The following TNNI3K variants were observed in gnomAD, a reference collection of about 807,000 sequenced individuals.
TNNI3K encodes TNNI3 interacting kinase, also known as serine/threonine-protein kinase TNNI3K.
In TNNI3K, 140 loss-of-function variants were observed where a neutral mutation model predicts 114.5. That is an observed-to-expected ratio of 1.22 (90% CI 1.07 to 1.41). The LOEUF (loss-of-function observed/expected upper bound fraction) is 1.41. Among genes scored for constraint, TNNI3K ranks in the 40% most tolerant of loss-of-function variants. The probability of loss-of-function intolerance (pLI) is 0.00; values close to 1 mark genes in which losing one functional copy is unlikely to be tolerated. For synonymous variants in TNNI3K, 347 were observed against 347.5 expected (o/e 1.00, Z 0.02); for missense variants, 1,125 against 1,007.6 (o/e 1.12, Z -1.58).
chr1:74,260,604 A>G (rs1655604748), intron 4 of TNNI3K, among the ~76,000 whole-genome samples: 1 of 152,172 alleles, frequency 6.6e-6, no homozygotes, highest in South Asian at 2.1e-4. Flanking sequence ...GCATATAGTT[A>G]ATACTTAATA....
At chr1:74,416,221 G>A (rs1021816204) in intron 17 of TNNI3K, 45 of 884,570 alleles carry the variant, frequency 5.1e-5, no homozygotes, top group East Asian at 1.2e-4. Flanking sequence ...ATTCAAAGAC[G>A]TGAGGAGTTT....
chr1:74,445,257 A>C (rs1283726350), intron 20 of TNNI3K, among the ~76,000 whole-genome samples: 1 of 145,472 alleles, frequency 6.9e-6, no homozygotes. Context: ...TTTAGGGTAC[A>C]TGTGCACATT....
chr1:74,453,038 CCATTTATCATTG>C (rs1667091561), intron 20 of TNNI3K, among the ~76,000 whole-genome samples: 1 of 152,164 alleles, frequency 6.6e-6, no homozygotes, highest in Non-Finnish European at 1.5e-5. Context: ...TCCCAAGTTA[CCATTTATCATTG>C]CATTTATCAC....
At chr1:74,446,012 G>C (rs1666650747) in intron 20 of TNNI3K, among the ~76,000 whole-genome samples, 1 of 152,074 alleles carries the variant, frequency 6.6e-6, no homozygotes. Flanking sequence ...GTGTGCATGT[G>C]TCTTTATAGC....
chr1:74,526,645 T>C (rs369852005), intron 23 of TNNI3K, among the ~76,000 whole-genome samples: 1 of 152,222 alleles, frequency 6.6e-6, no homozygotes, highest in African/African-American at 2.4e-5. Flanking sequence ...AATTGGATAT[T>C]TTTTTCTGTT....
chr1:74,497,996 G>C (rs1669420722), intron 23 of TNNI3K, among the ~76,000 whole-genome samples: 1 of 151,928 alleles, frequency 6.6e-6, no homozygotes, highest in South Asian at 2.1e-4. Flanking sequence ...TTGTTTGTTT[G>C]TTTGTTTGTT....
intron 22 of TNNI3K, among the ~76,000 whole-genome samples, chr1:74,490,584 A>G (rs934256271): frequency 6.6e-6 from 1 of 152,226 alleles, no homozygotes; most frequent in Non-Finnish European, 1.5e-5. Context: ...TGAATGGGCT[A>G]TATGCTGACA....
intron 23 of TNNI3K, among the ~76,000 whole-genome samples, chr1:74,534,127 A>T (rs940710594): frequency 2.6e-5 from 4 of 152,210 alleles, no homozygotes; most frequent in African/African-American, 9.6e-5. Context: ...AGCCTTCTGC[A>T]AGTATAAGCA....
chr1:74,255,616 TCA>T (rs985169488), intron 4 of TNNI3K, among the ~76,000 whole-genome samples: 58 of 152,360 alleles, frequency 3.8e-4, no homozygotes, highest in African/African-American at 1.4e-3. Flanking sequence ...GTTGAGTTTT[TCA>T]CAGTGTTTAG....
chr1:74,480,790 C>T (rs1668455078), intron 21 of TNNI3K: 1 of 717,446 alleles, frequency 1.4e-6, no homozygotes, highest in Admixed American at 2.0e-5. Context: ...TTTGGTTGTG[C>T]TCCAGCAACA....
intron 23 of TNNI3K, among the ~76,000 whole-genome samples, chr1:74,498,540 A>AT (rs747047803): frequency 6.6e-6 from 1 of 152,174 alleles, no homozygotes; most frequent in Non-Finnish European, 1.5e-5. Context: ...AATATTAAAT[A>AT]TTTTTATTTA....
At chr1:74,495,697 A>C (rs1669293900) in intron 23 of TNNI3K, among the ~76,000 whole-genome samples, 2 of 152,158 alleles carry the variant, frequency 1.3e-5, no homozygotes, top group Admixed American at 1.3e-4. Context: ...AATGGAGAGT[A>C]AGTAAGCAAA....
chr1:74,522,365 C>T (rs1008534556), intron 23 of TNNI3K, among the ~76,000 whole-genome samples: 8 of 152,120 alleles, frequency 5.3e-5, no homozygotes, highest in African/African-American at 1.9e-4. Flanking sequence ...CCTATGGGAA[C>T]CTGCAGCAGC....
intron 22 of TNNI3K, among the ~76,000 whole-genome samples, chr1:74,491,730 A>G (rs1407904557): frequency 1.3e-5 from 2 of 152,238 alleles, no homozygotes; most frequent in African/African-American, 4.8e-5. Flanking sequence ...AATTTTAGCT[A>G]TGATTTAAAG....
intron 5 of TNNI3K, among the ~76,000 whole-genome samples, chr1:74,285,766 T>G (rs1386957406): frequency 6.6e-6 from 1 of 152,164 alleles, no homozygotes; most frequent in Non-Finnish European, 1.5e-5. Flanking sequence ...TGAGGAAAAT[T>G]ATTTCTACTC....
At chr1:74,336,539 C>T (rs1660478221) in intron 7 of TNNI3K, among the ~76,000 whole-genome samples, 1 of 148,178 alleles carries the variant, frequency 6.7e-6, no homozygotes, top group Non-Finnish European at 1.5e-5. Context: ...TGTGATATTC[C>T]CCTTCCTGTG....
chr1:74,337,480 A>G (rs1279855985), intron 7 of TNNI3K, among the ~76,000 whole-genome samples: 2 of 151,990 alleles, frequency 1.3e-5, no homozygotes, highest in Non-Finnish European at 2.9e-5. Flanking sequence ...TTTTATGGTT[A>G]TTAGGAGCTC....
At chr1:74,278,798 C>CT (rs1278298958) in intron 5 of TNNI3K, among the ~76,000 whole-genome samples, 1 of 152,158 alleles carries the variant, frequency 6.6e-6, no homozygotes, top group Non-Finnish European at 1.5e-5. Context: ...CATGAATCTA[C>CT]TTTCCATCCC....
chr1:74,465,071 T>C (rs1211089379), intron 21 of TNNI3K: 1 of 957,994 alleles, frequency 1.0e-6, no homozygotes, highest in East Asian at 8.6e-5. Context: ...AAGCACCTAT[T>C]CTAGAATTTC....
Sources: allele counts gnomAD v4.1 joint callset (sites outside exome capture counted in the v4.1 genomes callset), GRCh38; gene constraint gnomAD v4.1.1; transcripts MANE v1.5; gene names NCBI Gene and HGNC (gene_info 2026-07-23, HGNC 2026-07-21).